PBX3: variants seen among roughly 807,000 people sequenced by gnomAD.
The protein encoded by PBX3 is pre-B-cell leukemia transcription factor 3.
PBX3 carries 14 observed loss-of-function variants against 48.5 expected under a neutral mutation model. The ratio of observed to expected loss-of-function variants is 0.29; its 90% CI spans 0.19 to 0.45. The LOEUF (loss-of-function observed/expected upper bound fraction) is 0.45. Among genes scored for constraint, PBX3 ranks in the 20% least tolerant of loss-of-function variants. The probability of loss-of-function intolerance (pLI) is 1.00; values close to 1 mark genes in which losing one functional copy is unlikely to be tolerated. For missense variants in PBX3, 386 were observed against 546.7 expected, an observed-to-expected ratio of 0.71 and a Z score of 2.93; for synonymous variants, 210 against 200.3, an observed-to-expected ratio of 1.05 and a Z score of -0.41.
chr9:125,922,327 A>T (rs796948635), intron 3 of PBX3, among the ~76,000 whole-genome samples: 1 of 152,174 alleles, frequency 6.6e-6, no homozygotes, highest in Non-Finnish European at 1.5e-5. Context: ...TCCATGCCTT[A>T]TGTTAACTGT....
At chr9:125,913,549 GAATTTCCTTCTGTCTCTCTT>G (rs1218160910) in intron 2 of PBX3, among the ~76,000 whole-genome samples, 4 of 152,052 alleles carry the variant, frequency 2.6e-5, no homozygotes, top group Admixed American at 2.6e-4. Context: ...TGTTCCTAAT[GAATTTCCTTCTGTCTCTCTT>G]ATGGTGTACT....
At chr9:125,855,181 TAAAAC>T (rs942423195) in intron 2 of PBX3, among the ~76,000 whole-genome samples, 7 of 152,198 alleles carry the variant, frequency 4.6e-5, no homozygotes, top group Admixed American at 1.3e-4. Context: ...TGCAAGAACT[TAAAAC>T]AAAACTAAGC....
At chr9:125,847,118 T>TTATA (rs1377483693) in intron 2 of PBX3, among the ~76,000 whole-genome samples, 3 of 152,054 alleles carry the variant, frequency 2.0e-5, no homozygotes, top group African/African-American at 7.2e-5. Flanking sequence ...ATAGGTTGTG[T>TTATA]TATATTCTTA....
intron 2 of PBX3, among the ~76,000 whole-genome samples, chr9:125,810,638 C>G (rs1461461330): frequency 6.6e-6 from 1 of 151,994 alleles, no homozygotes; most frequent in Non-Finnish European, 1.5e-5. Context: ...ATTATTTGTC[C>G]TATATTGAGG....
Position 125,800,342 on chromosome 9 carries a change from T to C in PBX3, c.274+51719T>C, listed in dbSNP as rs1288238861. ...GAATGAAATAGGGTATAAATAATTA[T>C]TTAGAGTACCTCAGTGGTATATATT... On this transcript the variant is annotated intron_variant, in intron 2 of 8. Coordinates refer to ENST00000373489, the MANE Select transcript of PBX3 (RefSeq NM_006195.6). Among the ~76,000 whole-genome samples the C allele has an allele frequency of 3.3e-5, 5 of 152,320 alleles. No homozygotes were observed. The East Asian group carries it at 7.7e-4, about 23-fold the overall frequency.
chr9:125,921,132 T>G (rs1426410787), intron 3 of PBX3, among the ~76,000 whole-genome samples: 1 of 151,254 alleles, frequency 6.6e-6, no homozygotes, highest in Non-Finnish European at 1.5e-5. Flanking sequence ...GATTTGTCAT[T>G]CATTGTTCCA....
chr9:125,908,934 G>A (rs1020282076), intron 2 of PBX3, among the ~76,000 whole-genome samples: 1 of 152,046 alleles, frequency 6.6e-6, no homozygotes, highest in African/African-American at 2.4e-5. Flanking sequence ...GCTAATATGT[G>A]TGAGAAACAT....
chr9:125,860,587 A>G (rs1284855324), intron 2 of PBX3, among the ~76,000 whole-genome samples: 2 of 152,214 alleles, frequency 1.3e-5, no homozygotes, highest in Non-Finnish European at 2.9e-5. Flanking sequence ...TCTGGTGAGC[A>G]CATTTAAAGA....
intron 2 of PBX3, among the ~76,000 whole-genome samples, chr9:125,875,714 C>T (rs973583365): frequency 3.9e-5 from 6 of 152,162 alleles, no homozygotes; most frequent in Middle Eastern, 6.3e-3. Flanking sequence ...TCATGCTACT[C>T]AAACATTTAA....
In PBX3 at chr9:125,939,791, C is replaced by T. The variant is rs570996685; in HGVS notation, c.843+4184C>T. Among the ~76,000 whole-genome samples the T allele has an allele frequency of 9.9e-5, 15 of 152,144 alleles. No individual in the cohort carries two copies. In the South Asian group the frequency reaches 1.9e-3, roughly 19 times the overall value. On this transcript the variant is annotated intron_variant, in intron 5 of 8. Coordinates refer to ENST00000373489, the MANE Select transcript of PBX3 (RefSeq NM_006195.6). ...ATCAATTCATGTTGAGTGAAAAATG[C>T]AAATTGGAGAATACACGTAACATAA... is the stretch of plus-strand genomic sequence containing the variant.
At chr9:125,859,531 A>G (rs1839808793) in intron 2 of PBX3, among the ~76,000 whole-genome samples, 1 of 152,174 alleles carries the variant, frequency 6.6e-6, no homozygotes, top group Admixed American at 6.5e-5. Flanking sequence ...GGCAGTTATT[A>G]ATGTTTCCAT....
At chr9:125,772,011 G>C (rs1255522328) in intron 2 of PBX3, among the ~76,000 whole-genome samples, 1 of 152,164 alleles carries the variant, frequency 6.6e-6, no homozygotes, top group African/African-American at 2.4e-5. Flanking sequence ...AGTGGGGTGG[G>C]AGGTAGGTAG....
In PBX3 at chr9:125,791,503, A is replaced by G. The variant is rs148158158; in HGVS notation, c.274+42880A>G. Among the ~76,000 whole-genome samples, 105 of 152,152 alleles carry G rather than the reference A, an allele frequency of 6.9e-4. 1 individual carries two copies. The East Asian group carries it at 0.02, about 29-fold the overall frequency. ...ATTTCCCTCTTGCTGTTCTTATGGT[A>G]GTGAGTGAGTTCTCACGAGATCTGG... On this transcript the variant is annotated intron_variant, in intron 2 of 8. Coordinates refer to ENST00000373489, the MANE Select transcript of PBX3 (RefSeq NM_006195.6).
chr9:125,805,548 T>C (rs1296444363), intron 2 of PBX3, among the ~76,000 whole-genome samples: 1 of 152,128 alleles, frequency 6.6e-6, no homozygotes, highest in Non-Finnish European at 1.5e-5. Flanking sequence ...CAGTGAGAGA[T>C]GATGGTGGCC....
intron 3 of PBX3, among the ~76,000 whole-genome samples, chr9:125,917,579 G>A (rs1194874620): frequency 6.6e-6 from 1 of 151,276 alleles, no homozygotes; most frequent in African/African-American, 2.4e-5. Context: ...GGCAACCCCT[G>A]ATCAGTTTTA....
intron 2 of PBX3, among the ~76,000 whole-genome samples, chr9:125,780,610 C>G (rs1353156166): frequency 7.4e-6 from 1 of 134,680 alleles, no homozygotes; most frequent in East Asian, 2.4e-4. Context: ...CGCCCCTCAC[C>G]TCCCGGACGG....
intron 5 of PBX3, among the ~76,000 whole-genome samples, chr9:125,939,993 C>T (rs1303222534): frequency 6.6e-6 from 1 of 152,090 alleles, no homozygotes; most frequent in Non-Finnish European, 1.5e-5. Context: ...ACCAGCCTGA[C>T]CAACATGGAG....
intron 2 of PBX3, among the ~76,000 whole-genome samples, chr9:125,782,735 G>C (rs1334554347): frequency 6.6e-6 from 1 of 152,114 alleles, no homozygotes; most frequent in East Asian, 1.9e-4. Context: ...TTGTAGCGTA[G>C]GTAGGTCTAC....
chr9:125,872,356 C>T (rs1278875967), intron 2 of PBX3, among the ~76,000 whole-genome samples: 2 of 152,130 alleles, frequency 1.3e-5, no homozygotes, highest in Non-Finnish European at 2.9e-5. Context: ...ATAAACCTGA[C>T]AACACACTTA....
Sources: gnomAD v4.1 joint callset for allele counts (sites outside exome capture counted in the v4.1 genomes callset) on GRCh38, gnomAD v4.1.1 for gene constraint, MANE v1.5 for transcripts, NCBI Gene and HGNC (gene_info 2026-07-23, HGNC 2026-07-21) for gene names.